Variants in CCDC178 observed in about 807,000 individuals in gnomAD.
CCDC178 encodes the protein coiled-coil domain containing 178.
A neutral mutation model predicts 117.4 loss-of-function variants in CCDC178; 126 were observed. The ratio of observed to expected loss-of-function variants is 1.07; its 90% CI spans 0.93 to 1.24. CCDC178 has a LOEUF of 1.24. Ranked by LOEUF, CCDC178 falls within the 50% of genes most tolerant of loss-of-function variation. The pLI is 0.00. For missense variants in CCDC178, 1,030 were observed against 986.9 expected (o/e 1.04, Z -0.59); for synonymous variants, 283 against 313.4 (o/e 0.90, Z 1.02).
intron 5 of CCDC178, among the ~76,000 whole-genome samples, chr18:33,384,568 G>A (rs77515432): frequency 1.3e-5 from 2 of 152,110 alleles, no homozygotes; most frequent in Non-Finnish European, 2.9e-5. Flanking sequence ...TCAACATTCT[G>A]AAAGAGAAGA....
At chr18:33,195,679 T>C (rs1250035004) in intron 20 of CCDC178, among the ~76,000 whole-genome samples, 5 of 152,162 alleles carry the variant, frequency 3.3e-5, no homozygotes, top group Non-Finnish European at 5.9e-5. Context: ...ATAGTTTATC[T>C]CCTAAAAGTC....
chr18:33,030,630 G>T (rs2056322717), intron 21 of CCDC178, among the ~76,000 whole-genome samples: 1 of 151,924 alleles, frequency 6.6e-6, no homozygotes, highest in East Asian at 1.9e-4. Flanking sequence ...TGAGATAGAT[G>T]ATAGATCAAT....
chr18:33,276,315 T>A (rs1340997627), intron 12 of CCDC178, among the ~76,000 whole-genome samples: 1 of 152,004 alleles, frequency 6.6e-6, no homozygotes, highest in Non-Finnish European at 1.5e-5. Flanking sequence ...TAGGGGAGAA[T>A]GCAGGTTATA....
chr18:33,166,837 T>C (rs1208396314), intron 20 of CCDC178, among the ~76,000 whole-genome samples: 3 of 152,154 alleles, frequency 2.0e-5, no homozygotes, highest in Non-Finnish European at 4.4e-5. Context: ...ATAGGTAAAT[T>C]ACTTGTCTCA....
In CCDC178 at chr18:32,945,969, T is replaced by C. The variant is rs538165236; in HGVS notation, c.2524-7878A>G. Among the ~76,000 whole-genome samples the C allele has an allele frequency of 7.9e-5, 12 of 152,340 alleles. No homozygotes were observed. In the South Asian group the frequency reaches 2.5e-3, roughly 32 times the overall value. ...TCTGTGACTGAATTATCTTTCTTTA[T>C]GTTAAAAGCTTTAGGATAATTGTCT... On this transcript the variant is annotated intron_variant, in intron 22 of 22. Coordinates refer to ENST00000383096, the MANE Select transcript of CCDC178 (RefSeq NM_001105528.4).
chr18:33,218,525 C>A (rs895373932), intron 18 of CCDC178, among the ~76,000 whole-genome samples: 8 of 152,098 alleles, frequency 5.3e-5, no homozygotes, highest in Admixed American at 4.6e-4. Context: ...AAGTACTTGC[C>A]AATGCCTATG....
At chr18:33,166,732 C>G (rs781063459) in intron 20 of CCDC178, among the ~76,000 whole-genome samples, 5 of 152,182 alleles carry the variant, frequency 3.3e-5, no homozygotes, top group African/African-American at 9.7e-5. Context: ...TTCCACACTA[C>G]GCTGGCCTGT....
At chr18:33,048,130 C>T (rs1434746233) in intron 21 of CCDC178, among the ~76,000 whole-genome samples, 1 of 152,086 alleles carries the variant, frequency 6.6e-6, no homozygotes, top group Non-Finnish European at 1.5e-5. Context: ...CAAGGAACAC[C>T]TAAGGTTACC....
intron 6 of CCDC178, among the ~76,000 whole-genome samples, chr18:33,363,742 A>G (rs1015672289): frequency 2.0e-5 from 3 of 152,074 alleles, no homozygotes; most frequent in Non-Finnish European, 2.9e-5. Context: ...AAGGAACTTC[A>G]TCTGTATCAG....
At chr18:33,080,394 A>G (rs781746241) in intron 21 of CCDC178, among the ~76,000 whole-genome samples, 4 of 152,136 alleles carry the variant, frequency 2.6e-5, no homozygotes, top group Non-Finnish European at 5.9e-5. Context: ...ACAAACCTGC[A>G]CATGTAACCC....
At chr18:33,170,914 GA>G (rs1057328164) in intron 20 of CCDC178, among the ~76,000 whole-genome samples, 16 of 152,006 alleles carry the variant, frequency 1.1e-4, no homozygotes, top group African/African-American at 3.9e-4. Flanking sequence ...TTATTTTCTA[GA>G]AAAAAATACT....
chr18:33,122,579 T>C (rs2057951870), intron 20 of CCDC178, among the ~76,000 whole-genome samples: 1 of 152,048 alleles, frequency 6.6e-6, no homozygotes, highest in Admixed American at 6.6e-5. Context: ...AAGATGACCC[T>C]CCATTCCCTA....
At chr18:33,377,407 G>A (rs2063381190) in intron 5 of CCDC178, among the ~76,000 whole-genome samples, 1 of 152,146 alleles carries the variant, frequency 6.6e-6, no homozygotes, top group Non-Finnish European at 1.5e-5. Flanking sequence ...TGTTTACTCT[G>A]TTGATAGTTT....
intron 14 of CCDC178, among the ~76,000 whole-genome samples, chr18:33,247,633 A>G (rs946990123): frequency 1.3e-5 from 2 of 151,876 alleles, no homozygotes; most frequent in African/African-American, 4.8e-5. Context: ...TACATAGTGT[A>G]TGTATACTTT....
chr18:33,435,788 G>C (rs1355012758), intron 2 of CCDC178, among the ~76,000 whole-genome samples: 2 of 147,116 alleles, frequency 1.4e-5, no homozygotes, highest in Non-Finnish European at 3.0e-5. Context: ...CAGAAACAGT[G>C]TGATTTGATG....
At chr18:33,273,064 T>A (rs2059908751) in intron 12 of CCDC178, among the ~76,000 whole-genome samples, 2 of 150,560 alleles carry the variant, frequency 1.3e-5, no homozygotes, top group South Asian at 2.1e-4. Flanking sequence ...AAAATAAAAA[T>A]AAAAAATAAA....
chr18:33,429,366 G>A (rs1599310879), intron 2 of CCDC178, among the ~76,000 whole-genome samples: 1 of 152,018 alleles, frequency 6.6e-6, no homozygotes, highest in East Asian at 1.9e-4. Context: ...GAGGGGGAGA[G>A]AGAGACAGAC....
intron 20 of CCDC178, among the ~76,000 whole-genome samples, chr18:33,155,644 A>G (rs2058385098): frequency 6.6e-6 from 1 of 152,170 alleles, no homozygotes; most frequent in African/African-American, 2.4e-5. Context: ...AATATTAGGC[A>G]TCTCAGGCAA....
chr18:33,374,613 G>A (rs1043030146), intron 5 of CCDC178, among the ~76,000 whole-genome samples: 2 of 152,064 alleles, frequency 1.3e-5, no homozygotes, highest in African/African-American at 4.8e-5. Context: ...ATATTACTCA[G>A]CATTCCTCTT....
Sources: allele counts gnomAD v4.1 joint callset (sites outside exome capture counted in the v4.1 genomes callset), GRCh38; gene constraint gnomAD v4.1.1; transcripts MANE v1.5; gene names NCBI Gene and HGNC (gene_info 2026-07-23, HGNC 2026-07-21).